VPS41: variants seen among roughly 807,000 people sequenced by gnomAD.
VPS41 encodes vacuolar protein sorting-associated protein 41 homolog.
VPS41 carries 85 observed loss-of-function variants against 130.9 expected under a neutral mutation model. The observed-to-expected ratio is 0.65, with a 90% CI of 0.55 to 0.78. The LOEUF is 0.78. VPS41 is among the 30% of genes least tolerant of loss of function. VPS41 has a pLI of 0.00. For synonymous variants in VPS41, 335 were observed against 332.9 expected (o/e 1.01, Z -0.07); for missense variants, 874 against 1,018.7 (o/e 0.86, Z 1.93).
chr7:38,819,939 T>C (rs1346502491), intron 6 of VPS41, among the ~76,000 whole-genome samples: 3 of 152,202 alleles, frequency 2.0e-5, no homozygotes, highest in Non-Finnish European at 4.4e-5. Flanking sequence ...GAGGCCCATA[T>C]TCATGTTTCT....
At chr7:38,810,418 C>A (rs780657844) in intron 7 of VPS41, among the ~76,000 whole-genome samples, 4 of 152,014 alleles carry the variant, frequency 2.6e-5, no homozygotes, top group African/African-American at 4.8e-5. Flanking sequence ...AAAGTATGTT[C>A]TAATTACTTT....
intron 4 of VPS41, among the ~76,000 whole-genome samples, chr7:38,832,906 G>A (rs907913793): frequency 6.6e-6 from 1 of 152,054 alleles, no homozygotes; most frequent in African/African-American, 2.4e-5. Context: ...ATCTAAGATG[G>A]TTTCTTTTAT....
rs980141871 is a variant in VPS41 at position 38,883,785 on chromosome 7, G to C, written c.60+14306C>G. 3.9e-5 allele frequency among the ~76,000 whole-genome samples: 6 copies of C among 152,104 alleles called. No individual in the cohort carries two copies. The South Asian group carries it at 6.2e-4, about 16-fold the overall frequency. On this transcript the variant is annotated intron_variant, in intron 2 of 28. Transcript: ENST00000310301. ...TTCATCTCTTCAATCTCTAAGAAAG[G>C]GGCGTAATAGAGATTCAAAAATCTT...
intron 2 of VPS41, among the ~76,000 whole-genome samples, chr7:38,876,674 C>T (rs1053401738): frequency 2.2e-5 from 3 of 139,134 alleles, no homozygotes; most frequent in Non-Finnish European, 3.4e-5. Flanking sequence ...AGCTGCTTTG[C>T]TTTACCGTAA....
At chr7:38,818,351 C>T (rs1408093648) in intron 6 of VPS41, among the ~76,000 whole-genome samples, 1 of 152,104 alleles carries the variant, frequency 6.6e-6, no homozygotes, top group African/African-American at 2.4e-5. Context: ...ACGTTTAGCC[C>T]ACTTACACCA....
At chr7:38,798,937 T>A (rs1784673230) in intron 7 of VPS41, among the ~76,000 whole-genome samples, 1 of 152,150 alleles carries the variant, frequency 6.6e-6, no homozygotes, top group African/African-American at 2.4e-5. Context: ...ATTTAACTCA[T>A]TCCCCCAGAA....
intron 27 of VPS41, chr7:38,728,202 G>C (rs1190672367): frequency 4.2e-6 from 2 of 474,020 alleles, no homozygotes; most frequent in South Asian, 2.3e-5. Flanking sequence ...TGAACCAGTG[G>C]CATCAACATT....
intron 3 of VPS41, among the ~76,000 whole-genome samples, 198 bp downstream of exon 3, chr7:38,868,948 T>G (rs1353731471): frequency 6.6e-6 from 1 of 152,022 alleles, no homozygotes; most frequent in Non-Finnish European, 1.5e-5. Flanking sequence ...AGTCTTGGAG[T>G]GTGTTGTATG....
In VPS41 at chr7:38,776,234, T is replaced by C. The variant is rs77988701; in HGVS notation, c.882+445A>G. On this transcript the variant is annotated intron_variant, in intron 11 of 28. Transcript: ENST00000310301. ...AAAGCCATAATCAAGCTACTTAGAA[T>C]CACCAGCCCACTAGGAAGTAAACAA... Among the ~76,000 whole-genome samples, 161 of 152,310 alleles carry C rather than the reference T, an allele frequency of 1.1e-3. 1 individual carries two copies. The East Asian group carries it at 0.013, about 13-fold the overall frequency.
chr7:38,868,139 G>T (rs1786267913), intron 3 of VPS41, among the ~76,000 whole-genome samples: 1 of 152,192 alleles, frequency 6.6e-6, no homozygotes, highest in African/African-American at 2.4e-5. Flanking sequence ...CAGAGAAGAG[G>T]TAAGGGTCAC....
intron 1 of VPS41, among the ~76,000 whole-genome samples, chr7:38,908,645 G>A (rs1787320766): frequency 6.6e-6 from 1 of 152,108 alleles, no homozygotes; most frequent in South Asian, 2.1e-4. Context: ...CCAGCACTTG[G>A]ACCCCAGGCA....
chr7:38,829,123 C>G lies in VPS41; in HGVS notation c.321+1131G>C, dbSNP rs149547070. ...TTCTCCATTTCTGCACAAACCAACTCCTCCTTCATCTCTCTCTGATAATCA... is the reference window on the plus strand; with the variant it reads ...TTCTCCATTTCTGCACAAACCAACTGCTCCTTCATCTCTCTCTGATAATCA... On this transcript the variant is annotated intron_variant, in intron 5 of 28. Transcript: ENST00000310301. Among the ~76,000 whole-genome samples the G allele has an allele frequency of 5.7e-3, 874 of 152,276 alleles. 12 individuals carry two copies. The highest frequency in any genetic ancestry group is 0.02 in the African/African-American group (829 of 41,550).
chr7:38,774,218 T>A lies in VPS41; in HGVS notation c.909A>T (p.Arg303Ser). Residue 303 changes from arginine (R) to serine (S), a missense_variant, in exon 12 of 29, where the codon AGA becomes AGT. Arg to Ser is a moderately radical substitution (Grantham distance 110). Coordinates refer to ENST00000310301, the MANE Select transcript of VPS41 (RefSeq NM_014396.4). ...CAGAAAGTGGCTGGATGATGTCCAG[T>A]CTAGGCCTGGCACAGTATTCTCTTT... ...KTEREYCARP[R>S]LDIIQPLSET... is the part of the protein sequence containing the mutation. 6.2e-7 allele frequency: 1 copy of A among 1,607,098 alleles called. No homozygotes were observed. The highest frequency in any genetic ancestry group is 8.5e-7 in the Non-Finnish European group (1 of 1,175,222).
chr7:38,821,617 G>A (rs994587176), intron 5 of VPS41, among the ~76,000 whole-genome samples: 1 of 145,354 alleles, frequency 6.9e-6, no homozygotes, highest in Admixed American at 7.2e-5. Context: ...GATGATAGGA[G>A]AATTGCTTGA....
intron 7 of VPS41, among the ~76,000 whole-genome samples, chr7:38,803,059 G>T (rs1396423340): frequency 6.6e-6 from 1 of 152,084 alleles, no homozygotes; most frequent in African/African-American, 2.4e-5. Flanking sequence ...ATTTCAATAT[G>T]AGCCCTCACA....
At chr7:38,838,834 T>C (rs1378131605) in intron 4 of VPS41, among the ~76,000 whole-genome samples, 1 of 152,218 alleles carries the variant, frequency 6.6e-6, no homozygotes, top group Admixed American at 6.5e-5. Context: ...CAATTAGGAA[T>C]AAATTCACGG....
chr7:38,907,994 T>C (rs1157767986), intron 1 of VPS41, among the ~76,000 whole-genome samples: 1 of 152,208 alleles, frequency 6.6e-6, no homozygotes, highest in African/African-American at 2.4e-5. Context: ...TATCTTGTTA[T>C]CACAAGGACC....
At chr7:38,777,703 C>G (rs1784285297) in intron 10 of VPS41, among the ~76,000 whole-genome samples, 1 of 152,184 alleles carries the variant, frequency 6.6e-6, no homozygotes, top group African/African-American at 2.4e-5. Flanking sequence ...TCATTCAGAT[C>G]ATCTCCACGG....
intron 25 of VPS41, among the ~76,000 whole-genome samples, chr7:38,732,678 A>G (rs1375800233): frequency 6.6e-6 from 1 of 152,222 alleles, no homozygotes; most frequent in Non-Finnish European, 1.5e-5. Context: ...TTTTTAAAAA[A>G]AAGATAGGGC....
Sources: gnomAD v4.1 joint callset for allele counts (sites outside exome capture counted in the v4.1 genomes callset) on GRCh38, gnomAD v4.1.1 for gene constraint, MANE v1.5 for transcripts, NCBI Gene and HGNC (gene_info 2026-07-23, HGNC 2026-07-21) for gene names.